Variants in HYDIN observed in about 807,000 individuals in gnomAD.
The protein encoded by HYDIN is HYDIN axonemal central pair apparatus protein, also known as axonemal central pair apparatus protein HYDIN.
HYDIN carries 132 observed loss-of-function variants against 403.9 expected under a neutral mutation model. That is an observed-to-expected ratio of 0.33 (90% CI 0.28 to 0.38). The LOEUF (loss-of-function observed/expected upper bound fraction) is 0.38, where lower values mean the gene tolerates loss of function less well. Among genes scored for constraint, HYDIN ranks in the 10% least tolerant of loss-of-function variants. The pLI is 1.00. For missense variants in HYDIN, 2,827 were observed against 5,009.5 expected, an observed-to-expected ratio of 0.56 and a Z score of 13.15; for synonymous variants, 1,202 against 1,891.7, an observed-to-expected ratio of 0.64 and a Z score of 9.46.
intron 19 of HYDIN, among the ~76,000 whole-genome samples, chr16:71,029,095 G>A (rs1485595837): frequency 3.3e-5 from 5 of 152,224 alleles, no homozygotes; most frequent in African/African-American, 2.4e-5. Flanking sequence ...AAGCGGCAGC[G>A]TATGGCTATT....
rs1442122518 is a variant in HYDIN, at chr16:70,805,375, G to A, written c.*2205C>T. ...CCTTTCTAACAAATTCCCAGGTGAT[G>A]CTGATGCTGCAGGTCCATAGGCCAC... On this transcript the variant is annotated 3_prime_UTR_variant, in exon 86 of 86. Coordinates refer to ENST00000393567, the MANE Select transcript of HYDIN (RefSeq NM_001270974.2). 6.6e-6 allele frequency among the ~76,000 whole-genome samples: 1 copy of A among 152,198 alleles called. No individual in the cohort carries two copies. Among genetic ancestry groups the A allele is most frequent in the East Asian group, 1.9e-4 (1 of 5,202 alleles).
chr16:71,197,623 G>A (rs1434628466), intron 1 of HYDIN, among the ~76,000 whole-genome samples: 2 of 152,180 alleles, frequency 1.3e-5, no homozygotes, highest in African/African-American at 4.8e-5. Flanking sequence ...TAATCACCGA[G>A]GTTAAGAAAC....
intron 18 of HYDIN, among the ~76,000 whole-genome samples, chr16:71,056,685 GC>G (rs1490172034): frequency 3.8e-4 from 58 of 152,274 alleles, no homozygotes; most frequent in Non-Finnish European, 7.8e-4. Flanking sequence ...ACAGAGAATG[GC>G]CCCTCCTGTC....
At chr16:71,003,626 C>T (rs530520225) in intron 23 of HYDIN, among the ~76,000 whole-genome samples, 2 of 151,664 alleles carry the variant, frequency 1.3e-5, no homozygotes, top group Non-Finnish European at 2.9e-5. Flanking sequence ...ATGGTAAAAC[C>T]CTGTCTCTAT....
rs202207749 is a variant in HYDIN at position 70,871,190 on chromosome 16, C to T, written c.11091+847G>A. On this transcript the variant is annotated intron_variant, in intron 65 of 85. Transcript: ENST00000393567. ...GGGTTGGATTTGGACCATGACGAAACGGAATGGTCAGGGTCCTAATGAACT... is the reference window on the plus strand; with the variant it reads ...GGGTTGGATTTGGACCATGACGAAATGGAATGGTCAGGGTCCTAATGAACT... 1.6e-4 allele frequency among the ~76,000 whole-genome samples: 24 copies of T among 151,714 alleles called. No individual in the cohort carries two copies. The East Asian group carries it at 2.3e-3, about 15-fold the overall frequency.
In HYDIN at chr16:70,952,627, C is replaced by T; in HGVS notation, c.6325G>A (p.Ala2109Thr). 3 of 1,609,230 alleles carry T rather than the reference C, an allele frequency of 1.9e-6. No homozygotes were observed. The highest frequency in any genetic ancestry group is 1.7e-6 in the Non-Finnish European group (2 of 1,178,174). Residue 2109 changes from alanine (A) to threonine (T), a missense_variant, in exon 41 of 86, where the codon GCA becomes ACA. Ala to Thr is a moderately conservative substitution (Grantham distance 58, BLOSUM62 0). Transcript: ENST00000393567. ...CCTATGACGTTTTGACCCACAGCTG[C>T]CTCCTGGGCTATAAGGAGAGGGTGA... is the stretch of plus-strand genomic sequence containing the variant. ...VKEGEEAAQEAAVGQNVIGQG... is the reference protein window; with the variant it reads ...VKEGEEAAQETAVGQNVIGQG...
At chr16:71,089,595 G>C (rs1226139876) in intron 11 of HYDIN, among the ~76,000 whole-genome samples, 1 of 152,210 alleles carries the variant, frequency 6.6e-6, no homozygotes, top group Non-Finnish European at 1.5e-5. Flanking sequence ...GGTCAGGAGA[G>C]TAAGTCTGGA....
intron 1 of HYDIN, among the ~76,000 whole-genome samples, chr16:71,224,852 C>T (rs1451536119): frequency 5.9e-5 from 9 of 152,108 alleles, no homozygotes; most frequent in South Asian, 2.1e-4. Context: ...TGAGCCACCG[C>T]GCCCGGCCTA....
At chr16:70,971,324 G>A (rs2078726414) in intron 35 of HYDIN, among the ~76,000 whole-genome samples, 1 of 152,246 alleles carries the variant, frequency 6.6e-6, no homozygotes, top group African/African-American at 2.4e-5. Context: ...CCAGAGCTGG[G>A]GCATTCAGTT....
chr16:71,126,959 T>C (rs985071045), intron 9 of HYDIN, among the ~76,000 whole-genome samples: 2 of 152,000 alleles, frequency 1.3e-5, no homozygotes, highest in African/African-American at 4.8e-5. Flanking sequence ...GTCTGTGAAA[T>C]AGTAGAATTT....
chr16:71,219,573 A>T (rs1230523144), intron 1 of HYDIN, among the ~76,000 whole-genome samples: 1 of 152,190 alleles, frequency 6.6e-6, no homozygotes, highest in Non-Finnish European at 1.5e-5. Context: ...CCTTTCTATC[A>T]AGCACAGAAC....
In HYDIN at chr16:71,031,754, T is replaced by C; in HGVS notation, c.2693A>G (p.Gln898Arg). 7.7e-7 allele frequency: 1 copy of C among 1,292,382 alleles called. No homozygotes were observed. Among genetic ancestry groups the C allele is most frequent in the Non-Finnish European group, 1.1e-6 (1 of 894,190 alleles). 80.1% of individuals were successfully genotyped at this position (1,292,382 alleles called of 1,614,324 possible). ...AATAGTGGAACCAGTTCCGGAAGCC[T>C]GAACAGGAATCCGATAGGTACTGCT... is the stretch of plus-strand genomic sequence containing the variant. ...ENSSTYRIPV[Q>R]ASGTGSTIVS... The change falls in exon 19 of 86, where the codon CAG (glutamine) becomes CGG (arginine). Residue 898 changes from glutamine to arginine, a missense_variant. Physicochemically the swap from Gln to Arg is conservative, Grantham distance 43 (BLOSUM62 1). Coordinates refer to ENST00000393567, the MANE Select transcript of HYDIN (RefSeq NM_001270974.2).
chr16:71,158,948 C>T (rs112135155), intron 6 of HYDIN, among the ~76,000 whole-genome samples: 5,269 of 109,048 alleles, frequency 0.048, 198 homozygotes, highest in Middle Eastern at 0.1. Flanking sequence ...GCCTTGGCCT[C>T]CCAAAGTGCT....
At chr16:70,961,902 G>A (rs2078430837) in intron 38 of HYDIN, 57 bp downstream of exon 38, 1 of 1,012,466 alleles carries the variant, frequency 9.9e-7, no homozygotes, top group Non-Finnish European at 1.4e-6. Flanking sequence ...ACTGAATATT[G>A]TCTTCCTATT....
rs1224641551 is a variant in HYDIN at position 71,106,616 on chromosome 16, T to A, written c.1327+9080A>T. Among the ~76,000 whole-genome samples the A allele has an allele frequency of 2.0e-5, 3 of 152,168 alleles. No individual in the cohort carries two copies. The East Asian group carries it at 5.8e-4, about 29-fold the overall frequency. ...GGAGACGTGGGTTAAATCTCATGCA[T>A]CCTCAGAGGCCTCCCTTATGACCAG... is the stretch of plus-strand genomic sequence containing the variant. On this transcript the variant is annotated intron_variant, in intron 10 of 85. Coordinates refer to ENST00000393567, the MANE Select transcript of HYDIN (RefSeq NM_001270974.2).
intron 25 of HYDIN, among the ~76,000 whole-genome samples, chr16:70,989,364 T>G: frequency 1.3e-5 from 2 of 152,172 alleles, no homozygotes; most frequent in Non-Finnish European, 2.9e-5. Context: ...ATGACACGCA[T>G]CTTTGAAAAC....
At chr16:70,921,776 T>A (rs1052250755) in intron 45 of HYDIN, among the ~76,000 whole-genome samples, 3 of 152,250 alleles carry the variant, frequency 2.0e-5, no homozygotes, top group Non-Finnish European at 4.4e-5. Flanking sequence ...AAACCACACA[T>A]GTATTGTATA....
chr16:71,180,448 T>C (rs1398263865), intron 3 of HYDIN, among the ~76,000 whole-genome samples: 1 of 151,652 alleles, frequency 6.6e-6, no homozygotes, highest in Non-Finnish European at 1.5e-5. Flanking sequence ...AAGAAACAAC[T>C]CAAGTATTAT....
chr16:71,199,335 C>T (rs1356391924), intron 1 of HYDIN, among the ~76,000 whole-genome samples: 2 of 152,204 alleles, frequency 1.3e-5, no homozygotes, highest in African/African-American at 4.8e-5. Flanking sequence ...TATCCCTACT[C>T]CTTTGAAGCA....
Sources: allele counts gnomAD v4.1 joint callset (sites outside exome capture counted in the v4.1 genomes callset), GRCh38; gene constraint gnomAD v4.1.1; transcripts MANE v1.5; gene names NCBI Gene and HGNC (gene_info 2026-07-23, HGNC 2026-07-21).